Variants in THSD7B observed in about 807,000 individuals in gnomAD.
THSD7B encodes thrombospondin type 1 domain containing 7B.
THSD7B carries 138 observed loss-of-function variants against 213.6 expected under a neutral mutation model. The ratio of observed to expected loss-of-function variants is 0.65; its 90% CI spans 0.56 to 0.74. THSD7B has a LOEUF of 0.74. THSD7B is among the 30% of genes least tolerant of loss of function. THSD7B has a pLI of 0.00. For synonymous variants in THSD7B, 742 were observed against 687.0 expected (o/e 1.08, Z -1.25); for missense variants, 1,931 against 1,991.5 (o/e 0.97, Z 0.58).
At position 137,581,677 on chromosome 2, in the gene THSD7B, G is replaced by A. The variant is rs899783558; in HGVS notation, c.3423+9121G>A. On this transcript the variant is annotated intron_variant, in intron 17 of 27. Transcript: ENST00000409968. Reference sequence around the variant, plus strand: ...TGGGAGGCTGAGGCAGGAGAATGGCGTGAACCCGGGAGGCGGAGCTTGCAG... The same window carrying A: ...TGGGAGGCTGAGGCAGGAGAATGGCATGAACCCGGGAGGCGGAGCTTGCAG... 1.1e-3 allele frequency among the ~76,000 whole-genome samples: 168 copies of A among 148,172 alleles called. 2 individuals are homozygous for A. Among genetic ancestry groups the A allele is most frequent in the African/African-American group, 1.1e-3 (44 of 40,408 alleles).
intron 5 of THSD7B, among the ~76,000 whole-genome samples, chr2:137,149,841 G>C (rs928128291): frequency 1.3e-5 from 2 of 152,202 alleles, no homozygotes; most frequent in Non-Finnish European, 2.9e-5. Flanking sequence ...ATAGGTGGAA[G>C]GGACATGACT....
At chr2:136,955,629 G>T (rs1273002175) in intron 2 of THSD7B, among the ~76,000 whole-genome samples, 1 of 152,160 alleles carries the variant, frequency 6.6e-6, no homozygotes, top group Non-Finnish European at 1.5e-5. Context: ...CGATCTCTCA[G>T]ATTCTAAATT....
rs539278121 is a variant in THSD7B, at chr2:137,360,259, C to T, written c.2501-45354C>T. 1.5e-4 allele frequency among the ~76,000 whole-genome samples: 23 copies of T among 152,130 alleles called. 1 individual carries two copies. The highest frequency in any genetic ancestry group is 6.2e-4 in the South Asian group (3 of 4,816). On this transcript the variant is annotated intron_variant, in intron 12 of 27. Coordinates refer to ENST00000409968, the MANE Select transcript of THSD7B (RefSeq NM_001316349.2). Reference sequence around the variant, plus strand: ...GCTTTGAGGTCCATTCCAAGATGGCCGAATAGGAACAGCTCGGGTCTGCAG... The same window carrying T: ...GCTTTGAGGTCCATTCCAAGATGGCTGAATAGGAACAGCTCGGGTCTGCAG...
intron 7 of THSD7B, among the ~76,000 whole-genome samples, chr2:137,175,777 A>T (rs12987293): frequency 0.046 from 7,003 of 152,276 alleles, 191 homozygotes; most frequent in Admixed American, 0.069. Flanking sequence ...AATATTCTTT[A>T]AATGTTTTTA....
intron 2 of THSD7B, among the ~76,000 whole-genome samples, chr2:136,893,502 C>G (rs1266981748): frequency 8.2e-6 from 1 of 122,468 alleles, no homozygotes; most frequent in African/African-American, 2.5e-5. Context: ...AAACAAAGGT[C>G]AGAGTTCAAA....
At chr2:136,933,503 C>T (rs1393043557) in intron 2 of THSD7B, among the ~76,000 whole-genome samples, 2 of 152,064 alleles carry the variant, frequency 1.3e-5, no homozygotes, top group Non-Finnish European at 1.5e-5. Context: ...GGCTTGAACC[C>T]AGGAGGCAGA....
At chr2:137,143,250 A>G (rs1218728033) in intron 5 of THSD7B, among the ~76,000 whole-genome samples, 2 of 152,150 alleles carry the variant, frequency 1.3e-5, no homozygotes, top group East Asian at 1.9e-4. Flanking sequence ...ATGCTGAATT[A>G]CATACCTGTT....
intron 12 of THSD7B, among the ~76,000 whole-genome samples, chr2:137,276,848 A>G (rs566405700): frequency 3.9e-5 from 6 of 152,184 alleles, no homozygotes; most frequent in African/African-American, 1.4e-4. Context: ...TCTTTTTGTT[A>G]CATAGGTCAT....
At chr2:137,648,486 G>T (rs1409612320) in intron 21 of THSD7B, among the ~76,000 whole-genome samples, 1 of 151,982 alleles carries the variant, frequency 6.6e-6, no homozygotes. Context: ...TATGATATTT[G>T]TCTTTCTGTT....
At chr2:137,468,032 G>A (rs577780886) in intron 15 of THSD7B, among the ~76,000 whole-genome samples, 1 of 152,280 alleles carries the variant, frequency 6.6e-6, no homozygotes, top group African/African-American at 2.4e-5. Flanking sequence ...GAATGCTAAT[G>A]AAGAAAACTA....
chr2:137,153,324 G>T (rs1409433924), intron 5 of THSD7B, among the ~76,000 whole-genome samples: 2 of 152,140 alleles, frequency 1.3e-5, no homozygotes, highest in East Asian at 3.9e-4. Context: ...TTGGCTATAT[G>T]AAATGAATGA....
intron 27 of THSD7B, among the ~76,000 whole-genome samples, chr2:137,670,636 C>A (rs1683542647): frequency 6.6e-6 from 1 of 152,034 alleles, no homozygotes; most frequent in Non-Finnish European, 1.5e-5. Context: ...AAATGCTCAT[C>A]TTCGGCCAGG....
intron 2 of THSD7B, among the ~76,000 whole-genome samples, chr2:136,977,808 T>TG (rs1553461921): frequency 0.42 from 38,506 of 92,410 alleles, 5,776 homozygotes; most frequent in African/African-American, 0.5. Flanking sequence ...TTTGTTTTTT[T>TG]TTTTTTTTTT....
rs1316267678 is a variant in THSD7B at position 136,821,995 on chromosome 2, C to T, written c.-36+56308C>T. On this transcript the variant is annotated intron_variant, in intron 1 of 27. Coordinates refer to ENST00000409968, the MANE Select transcript of THSD7B (RefSeq NM_001316349.2). ...AATAACTAGGAACATAATGAAATAG[C>T]GGGGCTCCTGGATCATGGCTCAAGG... Among the ~76,000 whole-genome samples, 2 of 152,044 alleles carry T rather than the reference C, an allele frequency of 1.3e-5. 1 individual carries two copies. Among genetic ancestry groups the T allele is most frequent in the South Asian group, 4.1e-4 (2 of 4,826 alleles).
intron 15 of THSD7B, among the ~76,000 whole-genome samples, chr2:137,456,494 T>A (rs1687766383): frequency 6.6e-6 from 1 of 152,212 alleles, no homozygotes; most frequent in African/African-American, 2.4e-5. Flanking sequence ...CTTGCATCTT[T>A]TCAACCAGCC....
intron 12 of THSD7B, among the ~76,000 whole-genome samples, chr2:137,338,102 G>A (rs369035789): frequency 9.9e-5 from 15 of 152,128 alleles, no homozygotes; most frequent in African/African-American, 2.6e-4. Flanking sequence ...GTCAGACAGC[G>A]GCTGAGACTG....
In THSD7B at chr2:137,244,896, A is replaced by T. The variant is rs184478326; in HGVS notation, c.2266+2324A>T. On this transcript the variant is annotated intron_variant, in intron 10 of 27. Transcript: ENST00000409968. ...AAATTTGGAGGAAATTGTATCTATA[A>T]GCCTATGGTTCTCAAACTTTATTGC... Among the ~76,000 whole-genome samples, 769 of 152,306 alleles carry T rather than the reference A, an allele frequency of 5.0e-3. 4 individuals are homozygous for T. The highest frequency in any genetic ancestry group is 0.017 in the African/African-American group (714 of 41,566).
At chr2:136,868,117 C>T (rs71417602) in intron 1 of THSD7B, among the ~76,000 whole-genome samples, 10,766 of 143,528 alleles carry the variant, frequency 0.075, 494 homozygotes, top group Admixed American at 0.11. Flanking sequence ...CACACACGCG[C>T]GCGCACACAC....
chr2:137,195,266 G>T (rs1394159220), intron 7 of THSD7B, among the ~76,000 whole-genome samples: 1 of 150,018 alleles, frequency 6.7e-6, no homozygotes, highest in East Asian at 1.9e-4. Flanking sequence ...ACACACACAC[G>T]TGTTTCTATA....
Sources: allele counts gnomAD v4.1 joint callset (sites outside exome capture counted in the v4.1 genomes callset), GRCh38; gene constraint gnomAD v4.1.1; transcripts MANE v1.5; gene names NCBI Gene and HGNC (gene_info 2026-07-23, HGNC 2026-07-21).